FAM193A: variants seen among roughly 807,000 people sequenced by gnomAD.
The protein encoded by FAM193A is protein FAM193A.
In FAM193A, 22 loss-of-function variants were observed where a neutral mutation model predicts 126.5. The observed-to-expected ratio is 0.17, with a 90% confidence interval of 0.12 to 0.25. FAM193A has a LOEUF of 0.25. Ranked by LOEUF, FAM193A falls within the 10% of genes least tolerant of loss-of-function variation. The pLI is 1.00. For synonymous variants in FAM193A, 761 were observed against 646.8 expected (o/e 1.18, Z -2.68); for missense variants, 1,675 against 1,672.8 (o/e 1.00, Z -0.02).
intron 6 of FAM193A, 130 bp from the exon 7 acceptor site, chr4:2,646,555 G>A (rs1000240680): frequency 4.3e-6 from 4 of 927,642 alleles, no homozygotes; most frequent in Non-Finnish European, 6.6e-6. Flanking sequence ...GTGGTGCAGA[G>A]TGGCACCCTG....
At chr4:2,723,573 CAA>C (rs35028433) in intron 20 of FAM193A, among the ~76,000 whole-genome samples, 3 of 133,752 alleles carry the variant, frequency 2.2e-5, no homozygotes, top group Non-Finnish European at 4.8e-5. Flanking sequence ...GACTCCGTCT[CAA>C]AAAAAAAAAA....
At position 2,731,872 on chromosome 4, in the gene FAM193A, A is replaced by T; in HGVS notation, c.*4A>T. 6.2e-7 allele frequency: 1 copy of T among 1,609,124 alleles called. No homozygotes were observed. The highest frequency in any genetic ancestry group is 8.5e-7 in the Non-Finnish European group (1 of 1,175,526). On this transcript the variant is annotated 3_prime_UTR_variant, in exon 21 of 21. Transcript: ENST00000637812. ...AGCCACCTTTGCTGCCCACTGAATG[A>T]GGACTCCCTGGAGAGGGACACGCGA...
chr4:2,679,667 C>T (rs1233250176), intron 13 of FAM193A, among the ~76,000 whole-genome samples: 2 of 151,564 alleles, frequency 1.3e-5, no homozygotes, highest in African/African-American at 2.4e-5. Context: ...TGTGAGCCAC[C>T]GCGCCCGACC....
intron 10 of FAM193A, among the ~76,000 whole-genome samples, chr4:2,660,457 G>T (rs1362851025): frequency 6.6e-6 from 1 of 152,192 alleles, no homozygotes; most frequent in African/African-American, 2.4e-5. Flanking sequence ...GCAGTTGAAG[G>T]TTTCTGTTTT....
intron 10 of FAM193A, among the ~76,000 whole-genome samples, chr4:2,661,491 T>C (rs982943785): frequency 1.1e-4 from 17 of 152,194 alleles, no homozygotes; most frequent in Non-Finnish European, 1.5e-5. Flanking sequence ...ATTGTGCCTA[T>C]GGTCATCCTC....
intron 13 of FAM193A, among the ~76,000 whole-genome samples, chr4:2,685,266 C>T (rs1240878013): frequency 6.6e-6 from 1 of 152,060 alleles, no homozygotes; most frequent in East Asian, 1.9e-4. Flanking sequence ...TTGTTAGCTT[C>T]GAGGGCCAGG....
intron 16 of FAM193A, among the ~76,000 whole-genome samples, chr4:2,694,605 T>C (rs1301324822): frequency 6.6e-6 from 1 of 152,158 alleles, no homozygotes. Flanking sequence ...ACCTTTGAAC[T>C]CGCCTGTTTG....
At chr4:2,667,964 C>T (rs1713319594) in intron 12 of FAM193A, among the ~76,000 whole-genome samples, 1 of 152,122 alleles carries the variant, frequency 6.6e-6, no homozygotes, top group Non-Finnish European at 1.5e-5. Context: ...AGTGGGGTGG[C>T]ATCATCATGC....
At chr4:2,652,973 G>A (rs1199071347) in intron 7 of FAM193A, among the ~76,000 whole-genome samples, 3 of 152,226 alleles carry the variant, frequency 2.0e-5, no homozygotes, top group Admixed American at 6.5e-5. Context: ...GGAGGCTCCC[G>A]AGGGTCTCAG....
At chr4:2,552,565 G>A (rs1054821273) in intron 1 of FAM193A, among the ~76,000 whole-genome samples, 31 of 151,906 alleles carry the variant, frequency 2.0e-4, no homozygotes, top group African/African-American at 7.0e-4. Flanking sequence ...TTGAGACGGA[G>A]TCTCGCTCTG....
chr4:2,711,415 C>G (rs1718958534), intron 19 of FAM193A, among the ~76,000 whole-genome samples: 1 of 151,800 alleles, frequency 6.6e-6, no homozygotes, highest in Non-Finnish European at 1.5e-5. Context: ...TCTCGGCTCA[C>G]TGCCACCTCT....
chr4:2,659,663 A>G lies in FAM193A; in HGVS notation c.1495A>G (p.Arg499Gly). The G allele has an allele frequency of 6.2e-7, 1 of 1,613,852 alleles. No homozygotes were observed. The highest frequency in any genetic ancestry group is 8.5e-7 in the Non-Finnish European group (1 of 1,179,754). Residue 499 changes from arginine to glycine, a missense_variant, in exon 9 of 21, where the codon AGG becomes GGG. By Grantham distance (125) the Arg-to-Gly change is moderately radical (BLOSUM62 -2). Around this residue, in one of 4 missense-constraint regions of FAM193A, gnomAD observed 1,186 missense variants for 1,109.2 expected, o/e 1.07. Transcript: ENST00000637812. ...SMPDCPNCNY[R>G]RRCACDDCSL... is the part of the protein sequence containing the mutation. ...GCCCGACTGCCCCAACTGCAACTAC[A>G]GGAGAAGGTAAGGCTGGGTTGTGGT...
Position 2,689,533 on chromosome 4 carries a change from C to T in FAM193A, c.2359C>T (p.His787Tyr), listed in dbSNP as rs369465876. Residue 787 changes from histidine to tyrosine, a missense_variant, in exon 14 of 21, where the codon CAC becomes TAC. Physicochemically the swap from His to Tyr is moderately conservative, Grantham distance 83. Coordinates refer to ENST00000637812, the MANE Select transcript of FAM193A (RefSeq NM_001366318.2). Reference sequence around the variant, plus strand: ...TTTACCGCCAGCACCTGTTCAGAATCACACAAATAAGCATCAGGTATTCAA... The same window carrying T: ...TTTACCGCCAGCACCTGTTCAGAATTACACAAATAAGCATCAGGTATTCAA... ...KALPPAPVQN[H>Y]TNKHQVFNAS... 42 of 1,549,118 alleles carry T rather than the reference C, an allele frequency of 2.7e-5. No homozygotes were observed. Among genetic ancestry groups the T allele is most frequent in the Non-Finnish European group, 2.9e-5 (34 of 1,159,888 alleles).
chr4:2,657,951 A>C (rs1221719543), intron 8 of FAM193A, 71 bp downstream of exon 8: 1 of 1,044,326 alleles, frequency 9.6e-7, no homozygotes, highest in Non-Finnish European at 1.5e-6. Context: ...ACTTCTCTGC[A>C]TGTTGATGTG....
chr4:2,620,652 C>T (rs904284208), intron 2 of FAM193A, among the ~76,000 whole-genome samples: 1 of 151,940 alleles, frequency 6.6e-6, no homozygotes, highest in African/African-American at 2.4e-5. Context: ...GTTGGGAGAC[C>T]AGCCTTGTCA....
At position 2,639,754 on chromosome 4, in the gene FAM193A, A is replaced by C; in HGVS notation, c.1058A>C (p.Lys353Thr). The change falls in exon 6 of 21, where the codon AAG becomes ACG. Residue 353 changes from lysine to threonine, a missense_variant. Lys to Thr is a moderately conservative substitution (Grantham distance 78, BLOSUM62 -1). Around this residue, in one of 4 missense-constraint regions of FAM193A, gnomAD observed 1,186 missense variants for 1,109.2 expected, o/e 1.07. Transcript: ENST00000637812. Reference sequence around the variant, plus strand: ...AACCAGGAAAATGAACACTTGAAAAAGTTCCAAGTGACGTGGGAACTGCAT... The same window carrying C: ...AACCAGGAAAATGAACACTTGAAAACGTTCCAAGTGACGTGGGAACTGCAT... The part of the protein sequence containing the change: ...LGTLENEHLK[K>T]FQVTWELHNK... 6.2e-7 allele frequency: 1 copy of C among 1,612,048 alleles called. No homozygotes were observed. The highest frequency in any genetic ancestry group is 8.5e-7 in the Non-Finnish European group (1 of 1,178,882).
At chr4:2,637,194 G>A (rs1744166963) in intron 5 of FAM193A, among the ~76,000 whole-genome samples, 1 of 152,112 alleles carries the variant, frequency 6.6e-6, no homozygotes, top group Non-Finnish European at 1.5e-5. Context: ...GAGCGTGATA[G>A]TGTACACCTG....
intron 4 of FAM193A, among the ~76,000 whole-genome samples, chr4:2,629,105 G>A (rs112237504): frequency 1.8e-4 from 28 of 151,974 alleles, no homozygotes; most frequent in African/African-American, 6.5e-4. Flanking sequence ...GGGATTATAG[G>A]CGTGAGCCAC....
upstream of FAM193A, among the ~76,000 whole-genome samples, chr4:2,536,281 C>T (rs1434374747): frequency 2.0e-5 from 3 of 151,656 alleles, no homozygotes; most frequent in East Asian, 5.9e-4. Flanking sequence ...AGCCCTACGC[C>T]CGACCACAAC....
Sources: gnomAD v4.1 joint callset for allele counts (sites outside exome capture counted in the v4.1 genomes callset) on GRCh38, gnomAD v4.1.1 for gene constraint, gnomAD v4.1.1 regional missense constraint, MANE v1.5 for transcripts, NCBI Gene and HGNC (gene_info 2026-07-23, HGNC 2026-07-21) for gene names.